Variants in ZFPM2 observed in about 807,000 individuals in gnomAD.
ZFPM2 encodes zinc finger protein ZFPM2.
ZFPM2 carries 20 observed loss-of-function variants against 98.6 expected under a neutral mutation model. The observed-to-expected ratio is 0.20, with a 90% CI of 0.14 to 0.29. ZFPM2 has a LOEUF of 0.29. Among genes scored for constraint, ZFPM2 ranks in the 10% least tolerant of loss-of-function variants. ZFPM2 has a pLI of 1.00. For synonymous variants in ZFPM2, 518 were observed against 502.7 expected (o/e 1.03, Z -0.41); for missense variants, 1,310 against 1,388.6 (o/e 0.94, Z 0.90).
At chr8:105,539,326 A>C (rs1313667273) in intron 3 of ZFPM2, among the ~76,000 whole-genome samples, 5 of 152,188 alleles carry the variant, frequency 3.3e-5, no homozygotes, top group Non-Finnish European at 7.4e-5. Context: ...GAAAAGCTTT[A>C]ATTTGATCCT....
chr8:105,453,320 CAT>C (rs140900065), intron 3 of ZFPM2, among the ~76,000 whole-genome samples: 105 of 152,248 alleles, frequency 6.9e-4, no homozygotes, highest in African/African-American at 2.4e-3. Flanking sequence ...GTTCTTATTG[CAT>C]ATGTGATATC....
Position 105,702,744 on chromosome 8 carries a change from G to C in ZFPM2, c.532+68387G>C, listed in dbSNP as rs572113612. On this transcript the variant is annotated intron_variant, in intron 5 of 7. Transcript: ENST00000407775. ...TATTTGCCTGACCCTAGAAAAATCG[G>C]ATCATGGATTTGAAAATGGGTATGT... Among the ~76,000 whole-genome samples the C allele has an allele frequency of 1.1e-4, 17 of 152,260 alleles. No homozygotes were observed. In the South Asian group the frequency reaches 3.3e-3, roughly 30 times the overall value.
Position 105,803,230 on chromosome 8 carries a change from C to G in ZFPM2, c.3148C>G (p.Gln1050Glu). ...GGTAATAGTGAATGGTGGACTGAAACAAGATGAGAGACCTGCTGCCAACCC... is the reference window on the plus strand; with the variant it reads ...GGTAATAGTGAATGGTGGACTGAAAGAAGATGAGAGACCTGCTGCCAACCC... ...GMVIVNGGLK[Q>E]DERPAANPQQ... The change falls in exon 8 of 8, where the codon CAA becomes GAA. Residue 1050 changes from glutamine to glutamate, a missense_variant. Coordinates refer to ENST00000407775, the MANE Select transcript of ZFPM2 (RefSeq NM_012082.4). 6.2e-7 allele frequency: 1 copy of G among 1,609,576 alleles called. No individual in the cohort carries two copies. The highest frequency in any genetic ancestry group is 8.5e-7 in the Non-Finnish European group (1 of 1,177,158).
chr8:105,681,785 C>A (rs1810609706), intron 5 of ZFPM2, among the ~76,000 whole-genome samples: 1 of 152,116 alleles, frequency 6.6e-6, no homozygotes, highest in African/African-American at 2.4e-5. Context: ...TAGGGGAAAC[C>A]AGTTGGCATA....
intron 1 of ZFPM2, among the ~76,000 whole-genome samples, chr8:105,384,199 C>T (rs761554686): frequency 7.9e-5 from 12 of 152,222 alleles, no homozygotes; most frequent in Admixed American, 2.0e-4. Context: ...ACATCAGAAA[C>T]ACTGAGAGAG....
chr8:105,694,364 G>C (rs1810967571), intron 5 of ZFPM2, among the ~76,000 whole-genome samples: 1 of 151,984 alleles, frequency 6.6e-6, no homozygotes, highest in African/African-American at 2.4e-5. Flanking sequence ...TTTAAGAAAT[G>C]CATAAGTAAA....
At chr8:105,745,609 AAATAT>A (rs1204182910) in intron 5 of ZFPM2, among the ~76,000 whole-genome samples, 1 of 152,084 alleles carries the variant, frequency 6.6e-6, no homozygotes, top group Non-Finnish European at 1.5e-5. Context: ...CACTTTTGAG[AAATAT>A]AATAAGAATA....
intron 4 of ZFPM2, among the ~76,000 whole-genome samples, chr8:105,571,785 T>C (rs1329959762): frequency 6.6e-6 from 1 of 152,198 alleles, no homozygotes; most frequent in Non-Finnish European, 1.5e-5. Context: ...TACTTAGGGA[T>C]AATGCTTTGT....
At chr8:105,432,359 T>C (rs1812037697) in intron 2 of ZFPM2, among the ~76,000 whole-genome samples, 1 of 152,198 alleles carries the variant, frequency 6.6e-6, no homozygotes, top group African/African-American at 2.4e-5. Flanking sequence ...ACTAGTGTTA[T>C]ATAAAGGGCA....
chr8:105,464,127 A>C (rs1347363746), intron 3 of ZFPM2, among the ~76,000 whole-genome samples: 1 of 151,968 alleles, frequency 6.6e-6, no homozygotes, highest in Non-Finnish European at 1.5e-5. Context: ...AATTGTTCCC[A>C]TAAGATCTCT....
chr8:105,471,918 A>C (rs1396046670), intron 3 of ZFPM2, among the ~76,000 whole-genome samples: 2 of 152,192 alleles, frequency 1.3e-5, no homozygotes, highest in Non-Finnish European at 2.9e-5. Context: ...ACCTTCTCAC[A>C]GAATCATTTG....
intron 3 of ZFPM2, among the ~76,000 whole-genome samples, chr8:105,527,490 AGTTTT>A (rs1814199536): frequency 1.3e-5 from 2 of 152,182 alleles, no homozygotes; most frequent in South Asian, 2.1e-4. Context: ...AAAAGGGCAG[AGTTTT>A]GTTTTAAGTT....
At chr8:105,619,231 G>A (rs1267199519) in intron 4 of ZFPM2, among the ~76,000 whole-genome samples, 1 of 151,932 alleles carries the variant, frequency 6.6e-6, no homozygotes, top group Non-Finnish European at 1.5e-5. Context: ...GTTGTTGTTT[G>A]GTCATGGACC....
At chr8:105,392,822 A>G (rs1227936299) in intron 1 of ZFPM2, among the ~76,000 whole-genome samples, 3 of 152,194 alleles carry the variant, frequency 2.0e-5, no homozygotes, top group Non-Finnish European at 4.4e-5. Context: ...TTCTTAATCT[A>G]TAAGTGAGAG....
chr8:105,714,076 C>G (rs924882482), intron 5 of ZFPM2, among the ~76,000 whole-genome samples: 4 of 152,102 alleles, frequency 2.6e-5, no homozygotes, highest in African/African-American at 9.6e-5. Context: ...GATATTGATT[C>G]TTCCAATCCA....
rs753701945 is a variant in ZFPM2 at position 105,798,851 on chromosome 8, C to G, written c.867C>G (p.Asp289Glu). Residue 289 changes from aspartate (D) to glutamate (E), a missense_variant, in exon 7 of 8, where the codon GAC becomes GAG. Transcript: ENST00000407775. Reference sequence around the variant, plus strand: ...CTCCGGTGTCAGAGGAAAATGAAGACAGTGCCCATCAGATTTCCAGCCTGT... The same window carrying G: ...CTCCGGTGTCAGAGGAAAATGAAGAGAGTGCCCATCAGATTTCCAGCCTGT... ...EAAPVSEENEDSAHQISSLCP... is the reference protein window; with the variant it reads ...EAAPVSEENEESAHQISSLCP... 6.2e-7 allele frequency: 1 copy of G among 1,613,956 alleles called. No individual in the cohort carries two copies. The highest frequency in any genetic ancestry group is 1.1e-5 in the South Asian group (1 of 91,086).
chr8:105,324,390 G>T (rs1328134483), intron 1 of ZFPM2, among the ~76,000 whole-genome samples: 1 of 151,732 alleles, frequency 6.6e-6, no homozygotes. Context: ...TTCATGAACT[G>T]TCCAAGGACT....
intron 1 of ZFPM2, among the ~76,000 whole-genome samples, chr8:105,369,509 A>C (rs1810577073): frequency 6.6e-6 from 1 of 152,140 alleles, no homozygotes; most frequent in South Asian, 2.1e-4. Context: ...ATTGAACGCC[A>C]GCATATGGAC....
At chr8:105,720,336 A>C (rs1811630861) in intron 5 of ZFPM2, among the ~76,000 whole-genome samples, 1 of 151,860 alleles carries the variant, frequency 6.6e-6, no homozygotes, top group Admixed American at 6.6e-5. Flanking sequence ...CTTTGATTCA[A>C]GTTTCCAGTA....
Sources: allele counts gnomAD v4.1 joint callset (sites outside exome capture counted in the v4.1 genomes callset), GRCh38; gene constraint gnomAD v4.1.1; transcripts MANE v1.5; gene names NCBI Gene and HGNC (gene_info 2026-07-23, HGNC 2026-07-21).